Variants in PVT1 observed in about 807,000 individuals in gnomAD.
PVT1 encodes CXCR4/PVT1 fusion.
rs566314785 is a variant in PVT1, at chr8:127,854,820, G to C, written n.373-35769G>C. The C allele has an allele frequency of 2.4e-5, 5 of 211,324 alleles. No individual in the cohort carries two copies. In the East Asian group the frequency reaches 4.9e-4, roughly 21 times the overall value. The allele number at this position is 211,324 out of a possible 1,614,324, so 13.1% of individuals were successfully genotyped here. On this transcript the variant is annotated intron_variant and non_coding_transcript_variant, in intron 2 of 10. Transcript: ENST00000651587. ...TGTGAGTGTCTTGAAATGACCTTGA[G>C]AATCTACGCAATACCATGAAGAAGC...
intron 3 of PVT1, among the ~76,000 whole-genome samples, chr8:127,972,415 T>C (rs568091578): frequency 6.8e-4 from 103 of 152,316 alleles, no homozygotes; most frequent in African/African-American, 2.4e-3. Flanking sequence ...CTAAGTCAAT[T>C]ATCACTGGGT....
At chr8:127,802,442 C>T (rs1311287971) in intron 2 of PVT1, among the ~76,000 whole-genome samples, 1 of 152,164 alleles carries the variant, frequency 6.6e-6, no homozygotes, top group Non-Finnish European at 1.5e-5. Flanking sequence ...TCTTGAGCTC[C>T]TGGGCTCCAG....
At chr8:127,888,217 G>T (rs1815551247) in intron 2 of PVT1, among the ~76,000 whole-genome samples, 1 of 152,210 alleles carries the variant, frequency 6.6e-6, no homozygotes, top group Admixed American at 6.5e-5. Context: ...TGGGATTACA[G>T]GCGTGAGCCA....
At chr8:127,963,058 A>G (rs554989471) in intron 3 of PVT1, among the ~76,000 whole-genome samples, 1 of 152,258 alleles carries the variant, frequency 6.6e-6, no homozygotes, top group African/African-American at 2.4e-5. Flanking sequence ...CGGGCTGGCC[A>G]GCTCTCCTCT....
intron 2 of PVT1, among the ~76,000 whole-genome samples, chr8:127,799,808 G>T: frequency 6.6e-6 from 1 of 152,280 alleles, no homozygotes; most frequent in Admixed American, 6.5e-5. Context: ...ACTTCCTGTG[G>T]CTGCATGAAG....
At chr8:127,940,397 T>TC (rs1387004107) in intron 3 of PVT1, 1 of 151,944 alleles carries the variant, frequency 6.6e-6, no homozygotes, top group East Asian at 1.9e-4. Context: ...GGGCCAGAGG[T>TC]CCCACGAGCT....
intron 4 of PVT1, among the ~76,000 whole-genome samples, chr8:128,067,850 T>C (rs1038971587): frequency 1.3e-5 from 2 of 152,148 alleles, no homozygotes; most frequent in African/African-American, 4.8e-5. Flanking sequence ...GTTTTAAGGA[T>C]GGAAGAGACT....
At chr8:127,868,803 G>GTACATATATATATACATATATATA (rs1815319743) in intron 2 of PVT1, among the ~76,000 whole-genome samples, 2 of 54,626 alleles carry the variant, frequency 3.7e-5, no homozygotes, top group African/African-American at 2.1e-4. Context: ...ACATATATAT[G>GTACATATATATATACATATATATA]TACATATATA....
intron 2 of PVT1, among the ~76,000 whole-genome samples, chr8:127,833,461 AT>A (rs11291041): frequency 0.67 from 99,674 of 148,238 alleles, 34,107 homozygotes; most frequent in African/African-American, 0.83. Flanking sequence ...TGCTTTATGG[AT>A]TTTTTTTTTT....
At chr8:128,070,080 A>T (rs1243567431) in intron 4 of PVT1, 4 of 151,946 alleles carry the variant, frequency 2.6e-5, no homozygotes, top group Non-Finnish European at 5.9e-5. Context: ...CTGATTGGGT[A>T]TCTGTTTTTA....
intron 3 of PVT1, among the ~76,000 whole-genome samples, chr8:127,984,830 T>C (rs1816926131): frequency 8.1e-6 from 1 of 123,918 alleles, no homozygotes; most frequent in African/African-American, 2.7e-5. Flanking sequence ...CTGGTTTCTT[T>C]CTTTTCTTTT....
At chr8:127,885,109 C>T (rs774422440) in intron 2 of PVT1, among the ~76,000 whole-genome samples, 41 of 151,964 alleles carry the variant, frequency 2.7e-4, no homozygotes, top group Non-Finnish European at 5.0e-4. Flanking sequence ...GTACTCCAGT[C>T]CTGACATTCA....
At chr8:127,907,088 G>A (rs1815831992) in intron 3 of PVT1, among the ~76,000 whole-genome samples, 1 of 151,988 alleles carries the variant, frequency 6.6e-6, no homozygotes, top group Non-Finnish European at 1.5e-5. Flanking sequence ...AGCCTCCCGA[G>A]TAGCTGGATT....
intron 5 of PVT1, among the ~76,000 whole-genome samples, chr8:128,093,109 T>G (rs1814381069): frequency 1.3e-5 from 2 of 152,220 alleles, no homozygotes. Flanking sequence ...TCTATTTTGG[T>G]TATTTGCTGC....
intron 3 of PVT1, among the ~76,000 whole-genome samples, chr8:127,912,651 A>G (rs886924213): frequency 8.5e-5 from 13 of 152,228 alleles, no homozygotes; most frequent in Non-Finnish European, 1.9e-4. Flanking sequence ...CGCATTGAAC[A>G]CATGTCCACT....
intron 2 of PVT1, among the ~76,000 whole-genome samples, chr8:127,866,079 T>G (rs1205518819): frequency 6.6e-6 from 1 of 151,506 alleles, no homozygotes; most frequent in African/African-American, 2.5e-5. Flanking sequence ...CAGGATGGCG[T>G]GTTGGTGCAT....
chr8:127,970,419 TC>T (rs1816752690), intron 3 of PVT1, among the ~76,000 whole-genome samples: 2 of 146,228 alleles, frequency 1.4e-5, no homozygotes, highest in Non-Finnish European at 3.0e-5. Context: ...TGCCTCAGCC[TC>T]CCGAGTAGCT....
chr8:127,964,608 G>A (rs1816683736), intron 3 of PVT1, among the ~76,000 whole-genome samples: 1 of 152,118 alleles, frequency 6.6e-6, no homozygotes, highest in African/African-American at 2.4e-5. Context: ...AGGTGTCAGC[G>A]AGGTTGACAC....
At chr8:127,964,231 G>A (rs1381696325) in intron 3 of PVT1, among the ~76,000 whole-genome samples, 1 of 152,262 alleles carries the variant, frequency 6.6e-6, no homozygotes, top group Non-Finnish European at 1.5e-5. Context: ...GATGTTCGGT[G>A]GTGTGTTCCC....
Sources: allele counts gnomAD v4.1 joint callset (sites outside exome capture counted in the v4.1 genomes callset), GRCh38; gene constraint gnomAD v4.1.1; transcripts MANE v1.5; gene names NCBI Gene and HGNC (gene_info 2026-07-23, HGNC 2026-07-21).